The following CDKAL1 variants were observed in gnomAD, a reference collection of about 807,000 sequenced individuals.
The protein encoded by CDKAL1 is CDKAL1 threonylcarbamoyladenosine tRNA methylthiotransferase, also known as threonylcarbamoyladenosine tRNA methylthiotransferase.
A neutral mutation model predicts 68.2 loss-of-function variants in CDKAL1; 32 were observed. That is an observed-to-expected ratio of 0.47 (90% CI 0.35 to 0.63). CDKAL1 has a LOEUF of 0.63. Among genes scored for constraint, CDKAL1 ranks in the 30% least tolerant of loss-of-function variants. CDKAL1 has a pLI of 0.00. For missense variants in CDKAL1, 606 were observed against 696.7 expected, an observed-to-expected ratio of 0.87 and a Z score of 1.47; for synonymous variants, 234 against 244.3, an observed-to-expected ratio of 0.96 and a Z score of 0.39.
chr6:20,889,384 C>G (rs930604951), intron 9 of CDKAL1, among the ~76,000 whole-genome samples: 21 of 152,150 alleles, frequency 1.4e-4, no homozygotes, highest in Non-Finnish European at 2.6e-4. Flanking sequence ...AATTAGGTCC[C>G]ATTTGTCAAT....
At chr6:20,915,972 C>A (rs1487068276) in intron 9 of CDKAL1, among the ~76,000 whole-genome samples, 1 of 151,972 alleles carries the variant, frequency 6.6e-6, no homozygotes, top group Non-Finnish European at 1.5e-5. Flanking sequence ...TTACATATTC[C>A]TGAGGTGACA....
chr6:20,715,234 G>A (rs1429760405), intron 5 of CDKAL1, among the ~76,000 whole-genome samples: 1 of 152,064 alleles, frequency 6.6e-6, no homozygotes, highest in Non-Finnish European at 1.5e-5. Context: ...CAGAATCACT[G>A]TTTTATCCTT....
chr6:21,047,095 T>G (rs904715179), intron 11 of CDKAL1, among the ~76,000 whole-genome samples: 6 of 97,000 alleles, frequency 6.2e-5, no homozygotes, highest in Non-Finnish European at 1.4e-4. Context: ...ATTTTTTGTG[T>G]TTTTTTTTTT....
At position 21,079,797 on chromosome 6, in the gene CDKAL1, C is replaced by T. The variant is rs140374176; in HGVS notation, c.1236+14569C>T. ...CTCTTCTACTCTGAAGTAGAAACAC[C>T]AACCCCTCCAGCCCTCTTTCCTTGT... is the stretch of plus-strand genomic sequence containing the variant. On this transcript the variant is annotated intron_variant, in intron 12 of 15. Transcript: ENST00000274695. Among the ~76,000 whole-genome samples the T allele has an allele frequency of 4.3e-4, 66 of 152,316 alleles. No homozygotes were observed. In the East Asian group the frequency reaches 0.012, roughly 28 times the overall value.
At chr6:20,574,500 G>T (rs1034659765) in intron 4 of CDKAL1, among the ~76,000 whole-genome samples, 1 of 152,116 alleles carries the variant, frequency 6.6e-6, no homozygotes, top group African/African-American at 2.4e-5. Context: ...TACTTTAGAG[G>T]ACTGTTTACT....
Position 20,914,446 on chromosome 6 carries a change from T to G in CDKAL1, c.743-40973T>G, listed in dbSNP as rs1427604533. On this transcript the variant is annotated intron_variant, in intron 9 of 15. Transcript: ENST00000274695. ...TTTATGGTTTTTTTTTCATGAGAAT[T>G]TATCATGATCTGACTTTATTGTGTT... Among the ~76,000 whole-genome samples the G allele has an allele frequency of 2.0e-5, 3 of 152,286 alleles. No homozygotes were observed. In the East Asian group the frequency reaches 5.8e-4, roughly 29 times the overall value.
intron 9 of CDKAL1, among the ~76,000 whole-genome samples, chr6:20,918,428 C>T (rs979795081): frequency 1.3e-5 from 2 of 152,098 alleles, no homozygotes; most frequent in African/African-American, 4.8e-5. Context: ...ATCATAATAA[C>T]CTTGAATTTC....
chr6:20,779,607 C>T (rs182148987), intron 7 of CDKAL1, among the ~76,000 whole-genome samples: 35 of 152,254 alleles, frequency 2.3e-4, no homozygotes, highest in Non-Finnish European at 4.3e-4. Context: ...TTCTTTGAGA[C>T]GGAGTCTCGC....
intron 13 of CDKAL1, among the ~76,000 whole-genome samples, chr6:21,155,246 T>G: frequency 7.2e-6 from 1 of 139,692 alleles, no homozygotes; most frequent in African/African-American, 2.8e-5. Flanking sequence ...GCAATTGTTT[T>G]ATCTAGTTTT....
chr6:20,711,145 A>G (rs943587651), intron 5 of CDKAL1, among the ~76,000 whole-genome samples: 1 of 152,204 alleles, frequency 6.6e-6, no homozygotes, highest in South Asian at 2.1e-4. Flanking sequence ...AAAGCAAATA[A>G]AAGTTGTGAG....
intron 4 of CDKAL1, among the ~76,000 whole-genome samples, chr6:20,622,921 A>C (rs547225205): frequency 6.6e-5 from 10 of 151,944 alleles, no homozygotes; most frequent in Admixed American, 6.6e-4. Context: ...AAACTGACAC[A>C]CTAATTTTTT....
At chr6:21,127,937 A>C (rs1735980323) in intron 13 of CDKAL1, among the ~76,000 whole-genome samples, 1 of 152,180 alleles carries the variant, frequency 6.6e-6, no homozygotes, top group South Asian at 2.1e-4. Flanking sequence ...ACCCTGAATA[A>C]GTTATTTATT....
At chr6:20,860,131 G>T (rs1759537020) in intron 9 of CDKAL1, among the ~76,000 whole-genome samples, 1 of 152,108 alleles carries the variant, frequency 6.6e-6, no homozygotes. Context: ...AGGCTGGAGT[G>T]CAGTGGTGTG....
intron 10 of CDKAL1, among the ~76,000 whole-genome samples, chr6:20,995,681 G>C (rs1767065528): frequency 6.6e-6 from 1 of 152,184 alleles, no homozygotes; most frequent in Non-Finnish European, 1.5e-5. Context: ...ATAGAGTACA[G>C]ACAGAGTCAA....
chr6:20,619,895 A>G (rs1234450806), intron 4 of CDKAL1, among the ~76,000 whole-genome samples: 1 of 152,212 alleles, frequency 6.6e-6, no homozygotes, highest in Admixed American at 6.5e-5. Flanking sequence ...ATATGTATTC[A>G]AGTGACTTGG....
At chr6:20,992,831 G>A (rs952846111) in intron 10 of CDKAL1, among the ~76,000 whole-genome samples, 2 of 151,808 alleles carry the variant, frequency 1.3e-5, no homozygotes, top group Admixed American at 6.6e-5. Flanking sequence ...GAGGTGAGGA[G>A]GTCAAGGCTG....
At chr6:21,026,613 T>C (rs568616377) in intron 11 of CDKAL1, among the ~76,000 whole-genome samples, 139 of 152,312 alleles carry the variant, frequency 9.1e-4, no homozygotes, top group African/African-American at 3.3e-3. Context: ...AATTTAATAC[T>C]GAGTCACATT....
At chr6:20,949,451 T>C (rs538499054) in intron 9 of CDKAL1, among the ~76,000 whole-genome samples, 1 of 152,370 alleles carries the variant, frequency 6.6e-6, no homozygotes, top group East Asian at 1.9e-4. Context: ...TGTTTATATG[T>C]ATGTGTGTAT....
chr6:20,738,983 A>G (rs997146379), intron 5 of CDKAL1, among the ~76,000 whole-genome samples: 3 of 152,212 alleles, frequency 2.0e-5, no homozygotes, highest in African/African-American at 7.2e-5. Context: ...AAGCATATGC[A>G]GTCAACTTTA....
Sources: gnomAD v4.1 joint callset for allele counts (sites outside exome capture counted in the v4.1 genomes callset) on GRCh38, gnomAD v4.1.1 for gene constraint, MANE v1.5 for transcripts, NCBI Gene and HGNC (gene_info 2026-07-23, HGNC 2026-07-21) for gene names.